The following RERE variants were observed in gnomAD, a reference collection of about 807,000 sequenced individuals.
RERE encodes the protein arginine-glutamic acid dipeptide repeats protein.
In RERE, 40 loss-of-function variants were observed where a neutral mutation model predicts 146.1. The ratio of observed to expected loss-of-function variants is 0.27; its 90% CI spans 0.21 to 0.36. RERE has a LOEUF of 0.36. Among genes scored for constraint, RERE ranks in the 10% least tolerant of loss-of-function variants. RERE has a pLI of 1.00. For missense variants in RERE, 1,933 were observed against 2,138.7 expected (o/e 0.90, Z 1.90); for synonymous variants, 1,003 against 866.0 (o/e 1.16, Z -2.78).
chr1:8,454,820 C>G (rs1158157289), intron 11 of RERE, among the ~76,000 whole-genome samples: 1 of 150,264 alleles, frequency 6.7e-6, no homozygotes, highest in Non-Finnish European at 1.5e-5. Context: ...AACAAACAAA[C>G]AAACAACAAA....
At chr1:8,812,952 A>C (rs12726274) in intron 1 of RERE, among the ~76,000 whole-genome samples, 44,824 of 151,776 alleles carry the variant, frequency 0.3, 6,983 homozygotes, top group African/African-American at 0.33. Flanking sequence ...TTAAAAAAAA[A>C]ACACACACAC....
Position 8,354,043 on chromosome 1 carries a change from A to G in RERE, c.*1044T>C, listed in dbSNP as rs1225995385. On this transcript the variant is annotated 3_prime_UTR_variant, in exon 23 of 23. Transcript: ENST00000400908. ...TTTTCTTAGATGATGAAATTTTCGG[A>G]GTATTAAAAAAGACATTCATCCAGA... 2 of 152,544 alleles carry G rather than the reference A, an allele frequency of 1.3e-5. No homozygotes were observed. The highest frequency in any genetic ancestry group is 2.4e-5 in the African/African-American group (1 of 41,436). The allele number at this position is 152,544 out of a possible 1,614,324, so 9.4% of individuals were successfully genotyped here.
intron 10 of RERE, among the ~76,000 whole-genome samples, chr1:8,487,718 G>A (rs1195559185): frequency 6.6e-6 from 1 of 151,992 alleles, no homozygotes; most frequent in Non-Finnish European, 1.5e-5. Flanking sequence ...GCACAAAAAA[G>A]AAATAAAACA....
At chr1:8,701,263 G>A (rs1002440596) in intron 1 of RERE, among the ~76,000 whole-genome samples, 10 of 148,330 alleles carry the variant, frequency 6.7e-5, no homozygotes, top group African/African-American at 2.2e-4. Flanking sequence ...ATAGCTGAAG[G>A]CACCGGGATG....
chr1:8,420,796 G>C (rs536906043), intron 12 of RERE, among the ~76,000 whole-genome samples: 60 of 152,280 alleles, frequency 3.9e-4, no homozygotes, highest in African/African-American at 1.3e-3. Context: ...AGGAGTGATG[G>C]GGAAAGGTCT....
At chr1:8,380,122 C>G (rs1642395268) in intron 12 of RERE, among the ~76,000 whole-genome samples, 1 of 152,190 alleles carries the variant, frequency 6.6e-6, no homozygotes, top group African/African-American at 2.4e-5. Flanking sequence ...CCATCCCTCC[C>G]ACCCATGCAT....
intron 12 of RERE, among the ~76,000 whole-genome samples, chr1:8,420,811 A>G (rs749133141): frequency 1.3e-5 from 2 of 152,206 alleles, no homozygotes; most frequent in Non-Finnish European, 2.9e-5. Flanking sequence ...AGGTCTCAGC[A>G]AAGAGGCTAG....
rs1186718390 is a variant in RERE at position 8,369,508 on chromosome 1, T to TAAAAAAAAAAAAA, written c.1285-3547_1285-3535dup. ...ATCGAATAAATCTTTCGCCTTTTACTAAAAAAAAAAAAAAAAAAAAAAAAA... is the reference window on the plus strand; with the variant it reads ...ATCGAATAAATCTTTCGCCTTTTACTAAAAAAAAAAAAAAAAAAAAAAAAAAAAAAAAAAAAAA... On this transcript the variant is annotated intron_variant, in intron 12 of 22. Transcript: ENST00000400908. 1.4e-3 allele frequency among the ~76,000 whole-genome samples: 105 copies of TAAAAAAAAAAAAA among 76,884 alleles called. 3 individuals are homozygous for TAAAAAAAAAAAAA. The highest frequency in any genetic ancestry group is 3.4e-3 in the African/African-American group (81 of 23,642). The allele number at this position is 76,884 out of a possible 152,430, so 50.4% of individuals were successfully genotyped here. A position where few individuals can be genotyped will look rare whatever the true frequency, so the allele number is the denominator to read the frequency against.
At chr1:8,429,753 C>T (rs1414377115) in intron 11 of RERE, 1 of 152,660 alleles carries the variant, frequency 6.6e-6, no homozygotes, top group Non-Finnish European at 1.5e-5. Context: ...ATGATTCCCA[C>T]TGTGAAAATG....
intron 1 of RERE, among the ~76,000 whole-genome samples, chr1:8,795,313 C>T (rs1176907763): frequency 3.3e-5 from 5 of 151,858 alleles, no homozygotes; most frequent in Non-Finnish European, 7.4e-5. Flanking sequence ...TGTAAGCCAC[C>T]GCCCCCGGCC....
intron 1 of RERE, among the ~76,000 whole-genome samples, chr1:8,797,343 A>ACAC (rs1641496131): frequency 1.3e-5 from 2 of 151,356 alleles, no homozygotes; most frequent in South Asian, 4.2e-4. Flanking sequence ...ACACCACTGC[A>ACAC]CACCAGCCTA....
intron 1 of RERE, among the ~76,000 whole-genome samples, chr1:8,684,513 T>A (rs767879027): frequency 9.2e-5 from 14 of 152,132 alleles, no homozygotes; most frequent in Non-Finnish European, 1.3e-4. Context: ...GCACTAAGTA[T>A]CAGACACAGG....
In RERE at chr1:8,774,840, C is replaced by T. The variant is rs553076655; in HGVS notation, c.-145+42320G>A. Among the ~76,000 whole-genome samples, 9 of 151,884 alleles carry T rather than the reference C, an allele frequency of 5.9e-5. No homozygotes were observed. The South Asian group carries it at 1.9e-3, about 32-fold the overall frequency. On this transcript the variant is annotated intron_variant, in intron 1 of 22. Transcript: ENST00000400908. ...GTGGGTATTTTAACTCCTCAATAGT[C>T]CAACCCTCATCTGCTTTTCCTTAAA...
intron 12 of RERE, among the ~76,000 whole-genome samples, chr1:8,408,381 G>A (rs1393720176): frequency 2.0e-5 from 3 of 152,166 alleles, no homozygotes. Flanking sequence ...AAGAGGAGGA[G>A]GGAAAAAGAT....
intron 4 of RERE, among the ~76,000 whole-genome samples, chr1:8,582,732 A>G (rs1244267946): frequency 6.6e-6 from 1 of 152,160 alleles, no homozygotes; most frequent in Admixed American, 6.5e-5. Context: ...AAAAACAAAC[A>G]AACAAAACAC....
intron 12 of RERE, among the ~76,000 whole-genome samples, chr1:8,405,917 G>T (rs555252291): frequency 6.6e-6 from 1 of 152,298 alleles, no homozygotes; most frequent in African/African-American, 2.4e-5. Flanking sequence ...TTACAGGTGT[G>T]AGCCACCGCA....
intron 3 of RERE, among the ~76,000 whole-genome samples, chr1:8,621,816 C>T (rs533807770): frequency 6.6e-6 from 1 of 152,240 alleles, no homozygotes; most frequent in Non-Finnish European, 1.5e-5. Flanking sequence ...ACCCTTATAG[C>T]TTCAGTAAAC....
At chr1:8,526,104 A>C in intron 7 of RERE, 1 of 1,084,554 alleles carries the variant, frequency 9.2e-7, no homozygotes, top group Non-Finnish European at 1.1e-6. Flanking sequence ...CCTGCACACC[A>C]AGCTAGTGTG....
chr1:8,660,964 A>C (rs1019987444), intron 1 of RERE, among the ~76,000 whole-genome samples: 1 of 152,242 alleles, frequency 6.6e-6, no homozygotes, highest in African/African-American at 2.4e-5. Flanking sequence ...TAAACAGCAG[A>C]AAACTCAACA....
Sources: gnomAD v4.1 joint callset for allele counts (sites outside exome capture counted in the v4.1 genomes callset) on GRCh38, gnomAD v4.1.1 for gene constraint, MANE v1.5 for transcripts, NCBI Gene and HGNC (gene_info 2026-07-23, HGNC 2026-07-21) for gene names.